Variants in NFASC observed in about 807,000 individuals in gnomAD.
The protein encoded by NFASC is neurofascin.
A neutral mutation model predicts 147.5 loss-of-function variants in NFASC; 43 were observed. That is an observed-to-expected ratio of 0.29 (90% CI 0.23 to 0.38). The LOEUF (loss-of-function observed/expected upper bound fraction) is 0.38, where lower values mean the gene tolerates loss of function less well. Among genes scored for constraint, NFASC ranks in the 10% least tolerant of loss-of-function variants. The probability of loss-of-function intolerance (pLI) is 1.00; values close to 1 mark genes in which losing one functional copy is unlikely to be tolerated. For missense variants in NFASC, 1,320 were observed against 1,689.0 expected, an observed-to-expected ratio of 0.78 and a Z score of 3.83; for synonymous variants, 622 against 665.5, an observed-to-expected ratio of 0.93 and a Z score of 1.01.
At chr1:204,863,847 CAAA>C (rs35987665) in intron 1 of NFASC, among the ~76,000 whole-genome samples, 8 of 61,724 alleles carry the variant, frequency 1.3e-4, no homozygotes, top group Non-Finnish European at 1.6e-4. Flanking sequence ...GACTCTGTCT[CAAA>C]AAAAAAAAAA....
At chr1:204,962,730 T>C (rs2094741465) in intron 8 of NFASC, among the ~76,000 whole-genome samples, 1 of 152,148 alleles carries the variant, frequency 6.6e-6, no homozygotes. Flanking sequence ...TCTTTCAAGA[T>C]GAGTATAAAT....
At chr1:204,884,741 C>T (rs1210842250) in intron 1 of NFASC, among the ~76,000 whole-genome samples, 1 of 152,148 alleles carries the variant, frequency 6.6e-6, no homozygotes, top group Non-Finnish European at 1.5e-5. Flanking sequence ...GTGCCCAGCA[C>T]ACAGTAGGCA....
chr1:204,886,859 A>C (rs1041146855), intron 1 of NFASC, among the ~76,000 whole-genome samples: 3 of 152,152 alleles, frequency 2.0e-5, no homozygotes, highest in Admixed American at 6.5e-5. Context: ...GGTTCTTACC[A>C]TTTTGCAGGA....
intron 1 of NFASC, among the ~76,000 whole-genome samples, chr1:204,891,086 A>C (rs1028311973): frequency 6.6e-6 from 1 of 152,200 alleles, no homozygotes; most frequent in African/African-American, 2.4e-5. Flanking sequence ...TTGAGAGTAG[A>C]ATGTAAAGGT....
chr1:204,881,617 G>A (rs960692410), intron 1 of NFASC, among the ~76,000 whole-genome samples: 1 of 152,100 alleles, frequency 6.6e-6, no homozygotes, highest in Non-Finnish European at 1.5e-5. Flanking sequence ...CCGTCAATGA[G>A]CTTCAGTCTG....
intron 1 of NFASC, among the ~76,000 whole-genome samples, chr1:204,909,380 A>G (rs907344422): frequency 6.6e-6 from 1 of 151,772 alleles, no homozygotes; most frequent in African/African-American, 2.4e-5. Context: ...TCATGTGCGT[A>G]TTTGTTGTCT....
rs528294682 is a variant in NFASC, at chr1:204,853,660, G to A, written c.-200+24878G>A. ...GCTGTTCACACAGCTGCTATCTCTT[G>A]GTATTGTGCCAAACCCATACCAGCC... On this transcript the variant is annotated intron_variant, in intron 1 of 29. Coordinates refer to ENST00000339876, the MANE Select transcript of NFASC (RefSeq NM_001005388.3). 8.5e-5 allele frequency among the ~76,000 whole-genome samples: 13 copies of A among 152,256 alleles called. No homozygotes were observed. The South Asian group carries it at 2.7e-3, about 32-fold the overall frequency.
At chr1:204,866,881 T>G (rs2077151717) in intron 1 of NFASC, among the ~76,000 whole-genome samples, 1 of 152,158 alleles carries the variant, frequency 6.6e-6, no homozygotes, top group South Asian at 2.1e-4. Flanking sequence ...TTGAGAGATT[T>G]GGTGTACCAT....
chr1:204,850,473 GT>G (rs1450078852), intron 1 of NFASC, among the ~76,000 whole-genome samples: 1 of 152,166 alleles, frequency 6.6e-6, no homozygotes, highest in Non-Finnish European at 1.5e-5. Context: ...TTGGCTCTGT[GT>G]CCCCATCTAA....
intron 2 of NFASC, among the ~76,000 whole-genome samples, chr1:204,943,837 C>G (rs1024664463): frequency 6.6e-6 from 1 of 152,172 alleles, no homozygotes; most frequent in Non-Finnish European, 1.5e-5. Flanking sequence ...GGCCAATAGG[C>G]CAATGTTTGT....
chr1:205,001,058 C>T (rs922590667), intron 25 of NFASC, 112 bp from the exon 26 acceptor site: 51 of 715,330 alleles, frequency 7.1e-5, no homozygotes, highest in South Asian at 1.7e-4. Flanking sequence ...TGTGTGCGTG[C>T]GCGAGTGTGG....
chr1:204,873,804 T>C (rs1345411125), intron 1 of NFASC, among the ~76,000 whole-genome samples: 1 of 152,146 alleles, frequency 6.6e-6, no homozygotes, highest in Non-Finnish European at 1.5e-5. Flanking sequence ...TTCCCCTCTG[T>C]CACCCTGATC....
intron 3 of NFASC, chr1:204,944,656 A>C (rs2093593884): frequency 4.1e-6 from 2 of 485,168 alleles, no homozygotes; most frequent in Non-Finnish European, 7.2e-6. Flanking sequence ...GGGTGCCTGG[A>C]GCCAGCTGAG....
At position 205,016,277 on chromosome 1, in the gene NFASC, C is replaced by G; in HGVS notation, c.3492-31C>G. ...GGAGGCCAGCTGCCCCATCTCACCC[C>G]ACCTGAGATTCTCTGTCTCTCTTTG... On this transcript the variant is annotated intron_variant, in intron 29 of 29. Coordinates refer to ENST00000339876, the MANE Select transcript of NFASC (RefSeq NM_001005388.3). The surrounding 1 kb of genome is among the most constrained non-coding windows in gnomAD (Gnocchi z 5.1). 6.7e-7 allele frequency: 1 copy of G among 1,499,982 alleles called. No homozygotes were observed. The highest frequency in any genetic ancestry group is 9.3e-7 in the Non-Finnish European group (1 of 1,076,410). The allele number at this position is 1,499,982 out of a possible 1,614,324, so 92.9% of individuals were successfully genotyped here.
At chr1:204,963,245 T>C (rs1247858010) in intron 8 of NFASC, among the ~76,000 whole-genome samples, 1 of 152,208 alleles carries the variant, frequency 6.6e-6, no homozygotes, top group African/African-American at 2.4e-5. Context: ...AGAGATTCAC[T>C]ACCCAAGGAA....
intron 1 of NFASC, among the ~76,000 whole-genome samples, chr1:204,877,603 A>G (rs569292182): frequency 4.6e-5 from 7 of 152,230 alleles, no homozygotes; most frequent in South Asian, 4.2e-4. Flanking sequence ...TAAGGTTTCT[A>G]TGGGGGTCCC....
rs546336138 is a variant in NFASC, at chr1:205,005,399, G to A, written c.3289+2651G>A. ...TGCCCGCTTCTGAGTGGGTGTTGCC[G>A]GGAGAGGTGTGGAAGGCACACAAAA... On this transcript the variant is annotated intron_variant, in intron 27 of 29. Transcript: ENST00000339876. Among the ~76,000 whole-genome samples, 55 of 151,450 alleles carry A rather than the reference G, an allele frequency of 3.6e-4. 2 individuals carry two copies. In the South Asian group the frequency reaches 6.9e-3, roughly 19 times the overall value.
rs2095618466 is a variant in NFASC, at chr1:204,986,498, G to A, written c.2471-920G>A. On this transcript the variant is annotated intron_variant, in intron 21 of 29. Coordinates refer to ENST00000339876, the MANE Select transcript of NFASC (RefSeq NM_001005388.3). This position sits in a 1 kb window ranked among gnomAD's most constrained non-coding sequence, Gnocchi z 4.2. Reference sequence around the variant, plus strand: ...TTTGCCAGCACCCAACACCTTCACGGTTCTCCCCCCACGTTCTCAAGAAGC... The same window carrying A: ...TTTGCCAGCACCCAACACCTTCACGATTCTCCCCCCACGTTCTCAAGAAGC... Among the ~76,000 whole-genome samples the A allele has an allele frequency of 6.6e-6, 1 of 152,186 alleles. No individual in the cohort carries two copies. Among genetic ancestry groups the A allele is most frequent in the Non-Finnish European group, 1.5e-5 (1 of 68,044 alleles).
intron 2 of NFASC, among the ~76,000 whole-genome samples, chr1:204,924,378 G>A (rs2091118621): frequency 6.6e-6 from 1 of 152,208 alleles, no homozygotes; most frequent in Admixed American, 6.5e-5. Flanking sequence ...ACATCAGACA[G>A]GAATTTAAAA....
Sources: allele counts gnomAD v4.1 joint callset (sites outside exome capture counted in the v4.1 genomes callset), GRCh38; gene constraint gnomAD v4.1.1; non-coding constraint Gnocchi (gnomAD v3.1); transcripts MANE v1.5; gene names NCBI Gene and HGNC (gene_info 2026-07-23, HGNC 2026-07-21).